Variants in PCDH7 observed in about 807,000 individuals in gnomAD.
PCDH7 encodes the protein protocadherin-7.
Under a neutral mutation model 58.9 loss-of-function variants are expected in PCDH7, and 17 were observed. The observed-to-expected ratio is 0.29, with a 90% CI of 0.20 to 0.43. The LOEUF (loss-of-function observed/expected upper bound fraction) is 0.43. PCDH7 is among the 20% of genes least tolerant of loss of function. The pLI is 1.00. For synonymous variants in PCDH7, 664 were observed against 616.4 expected, an observed-to-expected ratio of 1.08 and a Z score of -1.14; for missense variants, 1,274 against 1,441.0, an observed-to-expected ratio of 0.88 and a Z score of 1.88.
intron 3 of PCDH7, among the ~76,000 whole-genome samples, chr4:31,132,877 G>A (rs569011966): frequency 6.2e-4 from 94 of 152,252 alleles, no homozygotes; most frequent in African/African-American, 2.0e-3. Flanking sequence ...AGTTTTTTCA[G>A]GTTGGTGATC....
intron 1 of PCDH7, among the ~76,000 whole-genome samples, chr4:30,791,716 G>A (rs1314053611): frequency 2.0e-5 from 3 of 152,160 alleles, no homozygotes; most frequent in Non-Finnish European, 4.4e-5. Context: ...ATAGCTCTGT[G>A]AGCTGTAATT....
At chr4:31,142,092 T>A (rs1720326644) in intron 3 of PCDH7, among the ~76,000 whole-genome samples, 6 of 152,184 alleles carry the variant, frequency 3.9e-5, no homozygotes, top group Admixed American at 3.9e-4. Flanking sequence ...AAATTGTCTA[T>A]TTGGATTTAA....
chr4:30,964,097 A>G (rs1359168598), intron 3 of PCDH7, among the ~76,000 whole-genome samples: 2 of 152,176 alleles, frequency 1.3e-5, no homozygotes, highest in Non-Finnish European at 2.9e-5. Flanking sequence ...TTATTCCAAT[A>G]ATGGCATACA....
At chr4:31,129,197 C>T (rs765123460) in intron 3 of PCDH7, among the ~76,000 whole-genome samples, 3 of 152,086 alleles carry the variant, frequency 2.0e-5, no homozygotes, top group African/African-American at 2.4e-5. Flanking sequence ...CAGAAAAGGT[C>T]ATATGAATAG....
At chr4:30,755,567 A>G (rs1284588487) in intron 1 of PCDH7, among the ~76,000 whole-genome samples, 1 of 152,154 alleles carries the variant, frequency 6.6e-6, no homozygotes, top group Non-Finnish European at 1.5e-5. Context: ...AGAGCTTTAC[A>G]AGGGGGAGAT....
chr4:30,777,220 T>C (rs1722182408), intron 1 of PCDH7, among the ~76,000 whole-genome samples: 1 of 152,180 alleles, frequency 6.6e-6, no homozygotes, highest in Non-Finnish European at 1.5e-5. Flanking sequence ...CTGGATAGTA[T>C]CTACTTTCTA....
chr4:31,140,890 C>CCTTA (rs1426976336), intron 3 of PCDH7, among the ~76,000 whole-genome samples: 7 of 152,118 alleles, frequency 4.6e-5, no homozygotes, highest in Non-Finnish European at 8.8e-5. Context: ...AAATAATTAA[C>CCTTA]CTTACATTTT....
chr4:30,751,085 T>C lies in PCDH7; in HGVS notation c.70+26489T>C, dbSNP rs550839564. 3.2e-4 allele frequency among the ~76,000 whole-genome samples: 49 copies of C among 152,304 alleles called. 1 individual carries two copies. The highest frequency in any genetic ancestry group is 1.2e-3 in the African/African-American group (48 of 41,570). ...ATTTCAAAGACTTTTTGTGGCCATGTTAAGATATTGAAACTGTTACCTCAA... is the reference window on the plus strand; with the variant it reads ...ATTTCAAAGACTTTTTGTGGCCATGCTAAGATATTGAAACTGTTACCTCAA... On this transcript the variant is annotated intron_variant, in intron 1 of 3. Transcript: ENST00000509759.
intron 3 of PCDH7, among the ~76,000 whole-genome samples, chr4:31,078,805 T>A (rs1292177061): frequency 6.6e-6 from 1 of 152,024 alleles, no homozygotes; most frequent in Admixed American, 6.6e-5. Context: ...CCATACATGA[T>A]GTCAAAATTT....
chr4:30,844,641 A>G (rs548571770), intron 1 of PCDH7, among the ~76,000 whole-genome samples: 102 of 152,300 alleles, frequency 6.7e-4, no homozygotes, highest in African/African-American at 2.4e-3. Flanking sequence ...AATTATTCAC[A>G]CAAACCACAT....
At chr4:30,859,943 TAAA>T (rs1251801347) in intron 1 of PCDH7, among the ~76,000 whole-genome samples, 2 of 152,254 alleles carry the variant, frequency 1.3e-5, no homozygotes, top group Admixed American at 1.3e-4. Flanking sequence ...GAAAAATCAA[TAAA>T]AGTAAACTTT....
At chr4:30,775,869 C>T (rs1259133628) in intron 1 of PCDH7, among the ~76,000 whole-genome samples, 2 of 152,094 alleles carry the variant, frequency 1.3e-5, no homozygotes, top group Non-Finnish European at 2.9e-5. Context: ...TGCACTGCAG[C>T]CTGGGTGACA....
chr4:30,842,012 G>A (rs1731282517), intron 1 of PCDH7, among the ~76,000 whole-genome samples: 1 of 152,002 alleles, frequency 6.6e-6, no homozygotes, highest in Admixed American at 6.6e-5. Flanking sequence ...CAGAGAAAGT[G>A]GAAGGAAGAA....
intron 3 of PCDH7, among the ~76,000 whole-genome samples, chr4:30,967,961 G>A (rs1045136833): frequency 1.3e-5 from 2 of 152,016 alleles, no homozygotes; most frequent in Admixed American, 1.3e-4. Flanking sequence ...TCTTCCAAGA[G>A]ACTAAGCCTT....
chr4:30,806,738 C>T lies in PCDH7; in HGVS notation c.70+82142C>T, dbSNP rs185403336. 4.6e-5 allele frequency among the ~76,000 whole-genome samples: 7 copies of T among 151,912 alleles called. No individual in the cohort carries two copies. In the East Asian group the frequency reaches 1.2e-3, roughly 25 times the overall value. ...ATTCCATGTCTTGACAGAGGCTTCTCTGACTACTTTCTGTCAAAATACTCT... is the reference window on the plus strand; with the variant it reads ...ATTCCATGTCTTGACAGAGGCTTCTTTGACTACTTTCTGTCAAAATACTCT... On this transcript the variant is annotated intron_variant, in intron 1 of 3. Coordinates refer to the PCDH7 transcript ENST00000509759.
chr4:30,945,274 C>G (rs1373977058), intron 2 of PCDH7, among the ~76,000 whole-genome samples: 1 of 151,982 alleles, frequency 6.6e-6, no homozygotes, highest in Non-Finnish European at 1.5e-5. Flanking sequence ...TGTATATTAT[C>G]TCAAATCCAA....
intron 1 of PCDH7, among the ~76,000 whole-genome samples, chr4:30,918,460 C>T (rs1742769257): frequency 1.3e-5 from 2 of 151,506 alleles, no homozygotes; most frequent in Admixed American, 1.3e-4. Flanking sequence ...TTTTAAAATA[C>T]AGGGTAAAAT....
At chr4:31,046,071 C>T (rs1308482748) in intron 3 of PCDH7, among the ~76,000 whole-genome samples, 1 of 151,992 alleles carries the variant, frequency 6.6e-6, no homozygotes, top group Admixed American at 6.6e-5. Flanking sequence ...TCTACAGCAG[C>T]TTCCCCTGTC....
chr4:30,833,080 C>T (rs1194196603), intron 1 of PCDH7, among the ~76,000 whole-genome samples: 2 of 152,094 alleles, frequency 1.3e-5, no homozygotes, highest in Non-Finnish European at 2.9e-5. Flanking sequence ...TGGGAATATT[C>T]AATGCTGGAG....
Sources: allele counts gnomAD v4.1 joint callset (sites outside exome capture counted in the v4.1 genomes callset), GRCh38; gene constraint gnomAD v4.1.1; transcripts MANE v1.5; gene names NCBI Gene and HGNC (gene_info 2026-07-23, HGNC 2026-07-21).